The following PDE5A variants were observed in gnomAD, a reference collection of about 807,000 sequenced individuals.
The protein encoded by PDE5A is phosphodiesterase 5A.
PDE5A carries 67 observed loss-of-function variants against 110.2 expected under a neutral mutation model. The observed-to-expected ratio is 0.61, with a 90% CI of 0.50 to 0.75. The LOEUF (loss-of-function observed/expected upper bound fraction) is 0.75. Among genes scored for constraint, PDE5A ranks in the 30% least tolerant of loss-of-function variants. PDE5A has a pLI of 0.00. For synonymous variants in PDE5A, 328 were observed against 351.2 expected (o/e 0.93, Z 0.74); for missense variants, 862 against 1,045.1 (o/e 0.82, Z 2.42).
chr4:119,568,241 T>C (rs1356980081), intron 3 of PDE5A, among the ~76,000 whole-genome samples: 1 of 152,112 alleles, frequency 6.6e-6, no homozygotes, highest in Non-Finnish European at 1.5e-5. Flanking sequence ...AGCAACTCTC[T>C]CTTATTTTTA....
rs191838956 is a variant in PDE5A at position 119,609,024 on chromosome 4, T to C, written c.153-1727A>G. ...AAATACAAAAAAAATTAGCCGGGCT[T>C]GGTGGCGGGCGCCTGTAGTCCCAGC... On this transcript the variant is annotated intron_variant, in intron 1 of 20. Coordinates refer to ENST00000354960, the MANE Select transcript of PDE5A (RefSeq NM_001083.4). Among the ~76,000 whole-genome samples the C allele has an allele frequency of 3.9e-3, 588 of 152,068 alleles. 5 individuals carry two copies. The highest frequency in any genetic ancestry group is 0.013 in the African/African-American group (536 of 41,500).
At position 119,596,514 on chromosome 4, in the gene PDE5A, T is replaced by C. The variant is rs1418229808; in HGVS notation, c.831+9A>G. The C allele has an allele frequency of 1.3e-6, 2 of 1,499,610 alleles. No individual in the cohort carries two copies. Among genetic ancestry groups the C allele is most frequent in the Non-Finnish European group, 9.1e-7 (1 of 1,103,008 alleles). 92.9% of individuals were successfully genotyped at this position (1,499,610 alleles called of 1,614,324 possible). A position where few individuals can be genotyped will look rare whatever the true frequency, so the allele number is the denominator to read the frequency against. On this transcript the variant is annotated intron_variant, in intron 3 of 20. Transcript: ENST00000354960. Reference sequence around the variant, plus strand: ...CAATGACCTTTTATAAAATGGAAAATTGGCTTACCTCTTCCCTATGATTCT... The same window carrying C: ...CAATGACCTTTTATAAAATGGAAAACTGGCTTACCTCTTCCCTATGATTCT...
intron 10 of PDE5A, 93 bp downstream of exon 10, chr4:119,542,366 A>G: frequency 1.7e-6 from 2 of 1,157,828 alleles, no homozygotes; most frequent in Non-Finnish European, 2.5e-6. Context: ...GGACACAATG[A>G]CGGAACACAC....
intron 14 of PDE5A, 50 bp downstream of exon 14, chr4:119,518,995 G>T: frequency 7.7e-7 from 1 of 1,301,672 alleles, no homozygotes; most frequent in Non-Finnish European, 1.1e-6. Context: ...AAAAAAGACA[G>T]CCCTACAATT....
intron 9 of PDE5A, among the ~76,000 whole-genome samples, chr4:119,544,317 C>T (rs1030610856): frequency 2.0e-5 from 3 of 152,138 alleles, no homozygotes; most frequent in African/African-American, 7.2e-5. Context: ...GTTACTTTAT[C>T]AATTATTCCA....
intron 7 of PDE5A, among the ~76,000 whole-genome samples, chr4:119,558,301 A>G (rs926380563): frequency 2.6e-5 from 4 of 152,204 alleles, no homozygotes; most frequent in African/African-American, 9.6e-5. Context: ...TTTCAAAACC[A>G]TCTTCAGTAT....
chr4:119,583,595 A>G (rs2110523835), intron 3 of PDE5A, among the ~76,000 whole-genome samples: 1 of 152,280 alleles, frequency 6.6e-6, no homozygotes, highest in Non-Finnish European at 1.5e-5. Flanking sequence ...CTTCCTCACT[A>G]AGCTTATTCA....
intron 3 of PDE5A, among the ~76,000 whole-genome samples, chr4:119,595,946 C>T (rs530569519): frequency 1.3e-5 from 2 of 152,206 alleles, no homozygotes; most frequent in Non-Finnish European, 2.9e-5. Context: ...TTCAGTTTAA[C>T]TGATAATTTA....
rs754337892 is a variant in PDE5A, at chr4:119,539,012, G to A, written c.1580C>T (p.Ser527Leu). 1.2e-5 allele frequency: 19 copies of A among 1,611,872 alleles called. No homozygotes were observed. Among genetic ancestry groups the A allele is most frequent in the Non-Finnish European group, 1.4e-5 (17 of 1,178,228 alleles). The stretch of plus-strand genomic sequence containing the variant: ...TTCCTCTGCTGCTGAAGCATGATAC[G>A]ACAGAACCTACAGGGTAGGAAAAGA... ...AKQMVTLEVLSYHASAAEEET... is the reference protein window; with the variant it reads ...AKQMVTLEVLLYHASAAEEET... The change falls in exon 11 of 21, where the codon TCG (serine) becomes TTG (leucine). Residue 527 changes from serine to leucine, a missense_variant. Ser to Leu is a moderately radical substitution (Grantham distance 145). Coordinates refer to ENST00000354960, the MANE Select transcript of PDE5A (RefSeq NM_001083.4).
chr4:119,593,164 G>C (rs1004091245), intron 3 of PDE5A, among the ~76,000 whole-genome samples: 2 of 152,170 alleles, frequency 1.3e-5, no homozygotes, highest in Non-Finnish European at 2.9e-5. Flanking sequence ...GAAGAGTTTG[G>C]AAGTTTCTTA....
intron 11 of PDE5A, among the ~76,000 whole-genome samples, chr4:119,533,140 G>C (rs912571183): frequency 6.6e-6 from 1 of 152,012 alleles, no homozygotes; most frequent in Non-Finnish European, 1.5e-5. Flanking sequence ...CAATATAAAT[G>C]GTCCACAGGA....
intron 3 of PDE5A, among the ~76,000 whole-genome samples, chr4:119,573,769 T>C (rs1231301736): frequency 6.6e-6 from 1 of 152,136 alleles, no homozygotes; most frequent in Non-Finnish European, 1.5e-5. Context: ...GCCAAGTAGG[T>C]TGGAGAGAAG....
intron 3 of PDE5A, among the ~76,000 whole-genome samples, chr4:119,571,771 T>C (rs1340345151): frequency 6.6e-6 from 1 of 152,252 alleles, no homozygotes; most frequent in Non-Finnish European, 1.5e-5. Flanking sequence ...CACCTCATTT[T>C]ATCTCTTCTG....
intron 14 of PDE5A, among the ~76,000 whole-genome samples, chr4:119,511,609 T>A (rs1335398538): frequency 6.6e-6 from 1 of 152,026 alleles, no homozygotes; most frequent in African/African-American, 2.4e-5. Context: ...CTGACTGAGA[T>A]GGAATTAACT....
Position 119,501,179 on chromosome 4 carries a change from T to G in PDE5A, c.2481A>C (p.Gln827His). Residue 827 changes from glutamine (Q) to histidine (H), a missense_variant, in exon 20 of 21, where the codon CAA becomes CAC. Coordinates refer to ENST00000354960, the MANE Select transcript of PDE5A (RefSeq NM_001083.4). ...GTTTTCATATAAATACCTCATACAG[T>G]TGCAAGCAGATGGCATCTATGAACC... ...QVGFIDAICL[Q>H]LYEALTHVSE... is the part of the protein sequence containing the mutation. 6.2e-7 allele frequency: 1 copy of G among 1,604,342 alleles called. No homozygotes were observed. Among genetic ancestry groups the G allele is most frequent in the Non-Finnish European group, 8.5e-7 (1 of 1,171,282 alleles).
At chr4:119,526,435 T>C (rs1183196751) in intron 11 of PDE5A, among the ~76,000 whole-genome samples, 2 of 152,104 alleles carry the variant, frequency 1.3e-5, no homozygotes, top group African/African-American at 2.4e-5. Flanking sequence ...CTCTCCTAGA[T>C]GTTTTGCTGG....
chr4:119,580,026 G>A (rs1728530967), intron 3 of PDE5A, among the ~76,000 whole-genome samples: 2 of 152,102 alleles, frequency 1.3e-5, no homozygotes, highest in Admixed American at 6.5e-5. Flanking sequence ...GGAGGACGTC[G>A]CTCCCCAGAC....
intron 7 of PDE5A, among the ~76,000 whole-genome samples, chr4:119,553,994 T>A (rs1727453763): frequency 6.6e-6 from 1 of 152,174 alleles, no homozygotes; most frequent in South Asian, 2.1e-4. Flanking sequence ...GGCCTTATTC[T>A]CATCGCAAAT....
intron 11 of PDE5A, among the ~76,000 whole-genome samples, chr4:119,535,372 T>C (rs970690169): frequency 1.3e-5 from 2 of 152,148 alleles, no homozygotes; most frequent in African/African-American, 4.8e-5. Flanking sequence ...GAAGCTTTTG[T>C]AAAACCTCCC....
Sources: gnomAD v4.1 joint callset for allele counts (sites outside exome capture counted in the v4.1 genomes callset) on GRCh38, gnomAD v4.1.1 for gene constraint, MANE v1.5 for transcripts, NCBI Gene and HGNC (gene_info 2026-07-23, HGNC 2026-07-21) for gene names.